PCMTD2: variants seen among roughly 807,000 people sequenced by gnomAD.
PCMTD2 encodes protein-L-isoaspartate (D-aspartate) O-methyltransferase domain containing 2.
A neutral mutation model predicts 33.4 loss-of-function variants in PCMTD2; 16 were observed. The observed-to-expected ratio is 0.48, with a 90% CI of 0.32 to 0.73. The LOEUF (loss-of-function observed/expected upper bound fraction) is 0.73, where lower values mean the gene tolerates loss of function less well. Among genes scored for constraint, PCMTD2 ranks in the 30% least tolerant of loss-of-function variants. The probability of loss-of-function intolerance (pLI) is 0.03; values close to 1 mark genes in which losing one functional copy is unlikely to be tolerated. For synonymous variants in PCMTD2, 161 were observed against 160.8 expected (o/e 1.00, Z -0.01); for missense variants, 374 against 449.9 (o/e 0.83, Z 1.53).
intron 1 of PCMTD2, chr20:64,256,438 G>C (rs1378068919): frequency 6.6e-6 from 1 of 152,198 alleles, no homozygotes; most frequent in East Asian, 1.9e-4. Flanking sequence ...TCTCCTAAAT[G>C]AATGTTTGCT....
intron 2 of PCMTD2, among the ~76,000 whole-genome samples, chr20:64,262,034 C>T (rs1344354571): frequency 2.0e-5 from 3 of 152,154 alleles, no homozygotes. Flanking sequence ...AGGCAGATGG[C>T]TTGAGGTCTG....
intron 2 of PCMTD2, chr20:64,262,483 T>G (rs1985464107): frequency 6.6e-6 from 1 of 152,418 alleles, no homozygotes; most frequent in Non-Finnish European, 1.5e-5. Context: ...AGGAAGTGAC[T>G]TCAGGGTTTG....
chr20:64,268,144 TACAA>T (rs1555819873), intron 5 of PCMTD2, 134 bp downstream of exon 5: 64 of 567,798 alleles, frequency 1.1e-4, no homozygotes, highest in Non-Finnish European at 1.8e-4. Flanking sequence ...TGTAAAATTC[TACAA>T]GCAATTTCAG....
Position 64,267,910 on chromosome 20 carries a change from T to A in PCMTD2, c.606T>A (p.Gly202=). The part of the protein sequence containing the change: ...EEKLTKITRT[G]PSAWETKKIL... ...AGTTGACTAAGATAACACGCACAGGTCCTTCAGCTTGGGAAACCAAAAAGA... is the reference window on the plus strand; with the variant it reads ...AGTTGACTAAGATAACACGCACAGGACCTTCAGCTTGGGAAACCAAAAAGA... Residue 202 remains glycine (G), a synonymous_variant, in exon 5 of 6, where the codon GGT becomes GGA. Transcript: ENST00000308824. 1 of 1,613,690 alleles carries A rather than the reference T, an allele frequency of 6.2e-7. No individual in the cohort carries two copies. The highest frequency in any genetic ancestry group is 8.5e-7 in the Non-Finnish European group (1 of 1,179,616).
chr20:64,270,328 G>T (rs1417894410), intron 5 of PCMTD2, among the ~76,000 whole-genome samples: 1 of 144,276 alleles, frequency 6.9e-6, no homozygotes, highest in East Asian at 2.2e-4. Flanking sequence ...TGCACAGTGG[G>T]TTGTGTGGAC....
chr20:64,267,353 A>T (rs1201963261), intron 4 of PCMTD2, among the ~76,000 whole-genome samples: 2 of 152,214 alleles, frequency 1.3e-5, no homozygotes, highest in Non-Finnish European at 2.9e-5. Context: ...GCATGAGGAT[A>T]ATTGCCCAGG....
At chr20:64,269,270 G>A (rs1038589864) in intron 5 of PCMTD2, among the ~76,000 whole-genome samples, 1 of 152,234 alleles carries the variant, frequency 6.6e-6, no homozygotes, top group African/African-American at 2.4e-5. Context: ...CGCCCTTGGC[G>A]GGGAGGGCAC....
At chr20:64,264,338 AAG>A (rs1985559423) in intron 2 of PCMTD2, 89 bp from the exon 3 acceptor site, 1 of 704,010 alleles carries the variant, frequency 1.4e-6, no homozygotes, top group African/African-American at 1.8e-5. Flanking sequence ...TACACATGTT[AAG>A]TCAGACGTGT....
At chr20:64,259,907 CAT>C (rs1336437527) in intron 1 of PCMTD2, 33 bp from the exon 2 acceptor site, 1 of 1,064,658 alleles carries the variant, frequency 9.4e-7, no homozygotes, top group Non-Finnish European at 1.4e-6. Context: ...TTACCTTTAA[CAT>C]AAATCGCTCT....
In PCMTD2 at chr20:64,273,632, G is replaced by T. The variant is rs979715873; in HGVS notation, c.*32G>T. The T allele has an allele frequency of 1.3e-5, 19 of 1,508,282 alleles. No homozygotes were observed. The highest frequency in any genetic ancestry group is 1.7e-5 in the Non-Finnish European group (19 of 1,131,370). The allele number at this position is 1,508,282 out of a possible 1,614,324, so 93.4% of individuals were successfully genotyped here. On this transcript the variant is annotated 3_prime_UTR_variant, in exon 6 of 6. Transcript: ENST00000308824. ...TGTTTGAAAGGGGGAAATAGGAAGAGCAGATTGCTGAGTGTGAAGTTCGTG... is the reference window on the plus strand; with the variant it reads ...TGTTTGAAAGGGGGAAATAGGAAGATCAGATTGCTGAGTGTGAAGTTCGTG...
intron 2 of PCMTD2, among the ~76,000 whole-genome samples, chr20:64,260,744 C>G (rs1305882551): frequency 3.8e-5 from 5 of 133,088 alleles, no homozygotes. Context: ...TGTGCCCCAT[C>G]GTCTAGGCTG....
At position 64,264,415 on chromosome 20, in the gene PCMTD2, C is replaced by G. The variant is rs1985563466; in HGVS notation, c.308-14C>G. The G allele has an allele frequency of 2.2e-6, 3 of 1,356,924 alleles. No homozygotes were observed. Among genetic ancestry groups the G allele is most frequent in the African/African-American group, 2.8e-5 (2 of 70,218 alleles). The allele number at this position is 1,356,924 out of a possible 1,614,324, so 84.1% of individuals were successfully genotyped here. On this transcript the variant is annotated splice_polypyrimidine_tract_variant and intron_variant, in intron 2 of 5. Coordinates refer to ENST00000308824, the MANE Select transcript of PCMTD2 (RefSeq NM_018257.3). The stretch of plus-strand genomic sequence containing the variant: ...CTCTGGTTCTACATGTTTTCTTATT[C>G]TTAAACCTTTTAGGTCCTTTTGGTG...
chr20:64,268,258 G>A (rs951219160), intron 5 of PCMTD2, among the ~76,000 whole-genome samples: 6 of 149,018 alleles, frequency 4.0e-5, no homozygotes, highest in Non-Finnish European at 7.5e-5. Context: ...ATTGAAAGCC[G>A]AGGACGCACA....
intron 5 of PCMTD2, among the ~76,000 whole-genome samples, chr20:64,272,822 A>AGG: frequency 6.6e-6 from 1 of 152,338 alleles, no homozygotes; most frequent in Non-Finnish European, 1.5e-5. Flanking sequence ...TCTGTCTCCA[A>AGG]AAAAAGAATG....
chr20:64,273,678 G>T lies in PCMTD2; in HGVS notation c.*78G>T. On this transcript the variant is annotated 3_prime_UTR_variant, in exon 6 of 6. Coordinates refer to ENST00000308824, the MANE Select transcript of PCMTD2 (RefSeq NM_018257.3). ...TCGTGCTGCCTGTGTGCTGTTGAAG[G>T]GTCACCTGGAGGCAGACGTTGTGGG... is the stretch of plus-strand genomic sequence containing the variant. 2 of 1,307,578 alleles carry T rather than the reference G, an allele frequency of 1.5e-6. No homozygotes were observed. The highest frequency in any genetic ancestry group is 2.1e-6 in the Non-Finnish European group (2 of 959,094). The allele number at this position is 1,307,578 out of a possible 1,614,324, so 81.0% of individuals were successfully genotyped here. A position where few individuals can be genotyped will look rare whatever the true frequency, so the allele number is the denominator to read the frequency against.
At position 64,273,340 on chromosome 20, in the gene PCMTD2, A is replaced by G. The variant is rs766602518; in HGVS notation, c.826A>G (p.Arg276Gly). Residue 276 changes from arginine (R) to glycine (G), a missense_variant, in exon 6 of 6, where the codon AGG becomes GGG. Coordinates refer to ENST00000308824, the MANE Select transcript of PCMTD2 (RefSeq NM_018257.3). ...CGGAAACGGACTAAAGAACACCCCC[A>G]GGTTTAAACGAAGGAGAGTTCGCCG... ...KNGNGLKNTP[R>G]FKRRRVRRRR... 3 of 1,614,024 alleles carry G rather than the reference A, an allele frequency of 1.9e-6. No homozygotes were observed. Among genetic ancestry groups the G allele is most frequent in the South Asian group, 2.2e-5 (2 of 91,090 alleles).
chr20:64,269,688 C>G (rs1568736586), intron 5 of PCMTD2, among the ~76,000 whole-genome samples: 1 of 151,408 alleles, frequency 6.6e-6, no homozygotes, highest in African/African-American at 2.4e-5. Flanking sequence ...AATATGGGGT[C>G]AAAGTGAGTG....
At position 64,273,712 on chromosome 20, in the gene PCMTD2, C is replaced by A; in HGVS notation, c.*112C>A. The A allele has an allele frequency of 2.4e-6, 2 of 835,378 alleles. No individual in the cohort carries two copies. The highest frequency in any genetic ancestry group is 3.7e-6 in the Non-Finnish European group (2 of 547,002). 51.7% of individuals were successfully genotyped at this position (835,378 alleles called of 1,614,324 possible). On this transcript the variant is annotated 3_prime_UTR_variant, in exon 6 of 6. Transcript: ENST00000308824. ...GAGGCAGACGTTGTGGGGAAGGGAACTGCTGGGCTCATCCACACCATGGTT... is the reference window on the plus strand; with the variant it reads ...GAGGCAGACGTTGTGGGGAAGGGAAATGCTGGGCTCATCCACACCATGGTT...
At chr20:64,265,621 C>T in intron 4 of PCMTD2, 192 bp downstream of exon 4, 1 of 427,360 alleles carries the variant, frequency 2.3e-6, no homozygotes, top group Non-Finnish European at 4.1e-6. Context: ...CAGGTGGGTG[C>T]TTCAGAGCCT....
Sources: gnomAD v4.1 joint callset for allele counts (sites outside exome capture counted in the v4.1 genomes callset) on GRCh38, gnomAD v4.1.1 for gene constraint, MANE v1.5 for transcripts, NCBI Gene and HGNC (gene_info 2026-07-23, HGNC 2026-07-21) for gene names.